The following UTRN variants were observed in gnomAD, a reference collection of about 807,000 sequenced individuals.
The protein encoded by UTRN is utrophin, also known as dystrophin-related protein 1.
In UTRN, 283 loss-of-function variants were observed where a neutral mutation model predicts 463.9. That is an observed-to-expected ratio of 0.61 (90% confidence interval 0.55 to 0.67). UTRN has a LOEUF of 0.67. UTRN is among the 30% of genes least tolerant of loss of function. UTRN has a pLI of 0.00. For synonymous variants in UTRN, 1,442 were observed against 1,431.5 expected, an observed-to-expected ratio of 1.01 and a Z score of -0.17; for missense variants, 3,922 against 4,084.3, an observed-to-expected ratio of 0.96 and a Z score of 1.08.
chr6:144,842,540 G>C (rs963222867), intron 73 of UTRN, among the ~76,000 whole-genome samples: 2 of 152,134 alleles, frequency 1.3e-5, no homozygotes, highest in Non-Finnish European at 2.9e-5. Flanking sequence ...AGTGAGTTGA[G>C]ATCATGCCAC....
chr6:144,383,963 G>C (rs1287644354), intron 2 of UTRN, among the ~76,000 whole-genome samples: 1 of 152,160 alleles, frequency 6.6e-6, no homozygotes, highest in African/African-American at 2.4e-5. Flanking sequence ...TATATGAAAA[G>C]TTGAGATAAA....
intron 58 of UTRN, among the ~76,000 whole-genome samples, chr6:144,763,051 C>A (rs1348927013): frequency 2.6e-5 from 4 of 152,144 alleles, no homozygotes; most frequent in African/African-American, 9.7e-5. Context: ...CCACTGGAGT[C>A]TGCAGTGCAG....
At chr6:144,415,970 G>A (rs1784325974) in intron 3 of UTRN, among the ~76,000 whole-genome samples, 1 of 152,030 alleles carries the variant, frequency 6.6e-6, no homozygotes, top group Non-Finnish European at 1.5e-5. Context: ...TTTGTTTTTG[G>A]CCTGAGCAAG....
chr6:144,713,920 C>CA (rs535219098), intron 53 of UTRN, among the ~76,000 whole-genome samples: 42,091 of 100,918 alleles, frequency 0.42, 7,243 homozygotes, highest in Admixed American at 0.57. Flanking sequence ...AACTCTGTCT[C>CA]AAAAAAAAAA....
At chr6:144,503,198 G>T (rs1444483677) in intron 34 of UTRN, among the ~76,000 whole-genome samples, 1 of 152,078 alleles carries the variant, frequency 6.6e-6, no homozygotes, top group African/African-American at 2.4e-5. Context: ...CCAGTCTCTA[G>T]GTTGCCTGTT....
At chr6:144,771,638 C>T (rs1323931751) in intron 58 of UTRN, among the ~76,000 whole-genome samples, 1 of 151,890 alleles carries the variant, frequency 6.6e-6, no homozygotes, top group Non-Finnish European at 1.5e-5. Flanking sequence ...ATTGGCCAGG[C>T]TTGTCTCAAT....
At chr6:144,669,832 C>T (rs953774067) in intron 51 of UTRN, among the ~76,000 whole-genome samples, 25 of 152,054 alleles carry the variant, frequency 1.6e-4, no homozygotes, top group African/African-American at 4.6e-4. Flanking sequence ...TGAGAACATA[C>T]GATGTTTGAT....
chr6:144,739,793 A>G (rs1282637358), intron 54 of UTRN, among the ~76,000 whole-genome samples: 1 of 152,160 alleles, frequency 6.6e-6, no homozygotes, highest in East Asian at 1.9e-4. Flanking sequence ...CTTTAGATCC[A>G]GAATATTCCA....
At chr6:144,522,976 C>A in intron 40 of UTRN, 40 bp from the exon 41 acceptor site, 1 of 1,435,020 alleles carries the variant, frequency 7.0e-7, no homozygotes, top group South Asian at 1.5e-5. Context: ...TTTTTTGTTA[C>A]TTTGCTGGAT....
intron 65 of UTRN, among the ~76,000 whole-genome samples, chr6:144,809,360 G>A (rs1326787502): frequency 2.6e-5 from 4 of 152,130 alleles, no homozygotes; most frequent in African/African-American, 4.8e-5. Flanking sequence ...TTGCTCAGCA[G>A]CTTTGGAATT....
At chr6:144,434,265 G>C (rs573583041) in intron 9 of UTRN, among the ~76,000 whole-genome samples, 2 of 151,322 alleles carry the variant, frequency 1.3e-5, no homozygotes, top group African/African-American at 4.8e-5. Context: ...ATCAGGCAGG[G>C]AGGTTGCAGT....
chr6:144,593,068 TGAG>T (rs1220388382), intron 51 of UTRN, among the ~76,000 whole-genome samples: 1 of 152,154 alleles, frequency 6.6e-6, no homozygotes, highest in Non-Finnish European at 1.5e-5. Context: ...ATATGGATCT[TGAG>T]GAGTAGATAG....
At chr6:144,334,861 G>A (rs1776604727) in intron 2 of UTRN, among the ~76,000 whole-genome samples, 2 of 152,148 alleles carry the variant, frequency 1.3e-5, no homozygotes, top group African/African-American at 2.4e-5. Context: ...TTTGTGTCCT[G>A]AAACCTCAAT....
chr6:144,528,448 C>T (rs963201105), intron 41 of UTRN, among the ~76,000 whole-genome samples: 2 of 152,230 alleles, frequency 1.3e-5, no homozygotes, highest in Non-Finnish European at 2.9e-5. Flanking sequence ...ATCTGGGAAT[C>T]AGTGGCTGCT....
chr6:144,754,776 A>G lies in UTRN; in HGVS notation c.8412A>G (p.Pro2804=). 6.2e-7 allele frequency: 1 copy of G among 1,613,562 alleles called. No individual in the cohort carries two copies. The highest frequency in any genetic ancestry group is 8.5e-7 in the Non-Finnish European group (1 of 1,179,702). ...AGGAAGCCCACAGAGATTTTGGACC[A>G]TCCTCTCAGCATTTTCTCTCTAGTA... ...QLQEAHRDFG[P]SSQHFLSTSV... Residue 2804 remains proline (P), a synonymous_variant, in exon 57 of 75, where the codon CCA becomes CCG. Transcript: ENST00000367545.
chr6:144,690,095 T>TTTTTGTGTGGGTG (rs59704043), intron 52 of UTRN, among the ~76,000 whole-genome samples: 1 of 33,456 alleles, frequency 3.0e-5, no homozygotes, highest in East Asian at 3.1e-3. Flanking sequence ...TTTTTTTTTT[T>TTTTTGTGTGGGTG]TGTGTGTGTG....
At chr6:144,693,329 G>C (rs1783630594) in intron 52 of UTRN, among the ~76,000 whole-genome samples, 1 of 152,122 alleles carries the variant, frequency 6.6e-6, no homozygotes, top group South Asian at 2.1e-4. Flanking sequence ...GTATCATGAT[G>C]CCTCCAGCTT....
Position 144,459,301 on chromosome 6 carries a change from G to A in UTRN, c.2654G>A (p.Arg885His), listed in dbSNP as rs34643516. The A allele has an allele frequency of 7.7e-4, 1,241 of 1,613,992 alleles. 12 individuals are homozygous for A. The East Asian group carries it at 9.2e-3, about 12-fold the overall frequency. The change falls in exon 21 of 75, where the codon CGC becomes CAC. Residue 885 changes from arginine to histidine, a missense_variant. By Grantham distance (29) the Arg-to-His change is conservative. This residue lies in a region of UTRN where 2,349 missense variants were observed against 2,303.8 expected (regional missense o/e 1.02). Coordinates refer to ENST00000367545, the MANE Select transcript of UTRN (RefSeq NM_007124.3). ...CGGGGCTTCGATAGCTTTCTGGGCC[G>A]CTACCAAGCTGTACAAGAGGCTGTA... ...VQRGFDSFLG[R>H]YQAVQEAVED... is the part of the protein sequence containing the mutation.
At chr6:144,471,558 T>C (rs1354475286) in intron 23 of UTRN, among the ~76,000 whole-genome samples, 1 of 152,244 alleles carries the variant, frequency 6.6e-6, no homozygotes, top group Non-Finnish European at 1.5e-5. Flanking sequence ...TTTCTCTCTT[T>C]TTGCACTTCT....
Sources: allele counts gnomAD v4.1 joint callset (sites outside exome capture counted in the v4.1 genomes callset), GRCh38; gene constraint gnomAD v4.1.1; regional missense constraint gnomAD v4.1.1; transcripts MANE v1.5; gene names NCBI Gene and HGNC (gene_info 2026-07-23, HGNC 2026-07-21).